CTNNA3: variants seen among roughly 807,000 people sequenced by gnomAD.
CTNNA3 encodes catenin alpha-3.
CTNNA3 carries 76 observed loss-of-function variants against 95.7 expected under a neutral mutation model. That is an observed-to-expected ratio of 0.79 (90% confidence interval 0.66 to 0.96). The LOEUF (loss-of-function observed/expected upper bound fraction) is 0.96, where lower values mean the gene tolerates loss of function less well. CTNNA3 is among the 40% of genes least tolerant of loss of function. The pLI is 0.00. For synonymous variants in CTNNA3, 431 were observed against 374.4 expected (o/e 1.15, Z -1.74); for missense variants, 1,191 against 1,089.8 (o/e 1.09, Z -1.31).
chr10:66,166,057 C>T (rs919512527), intron 13 of CTNNA3, among the ~76,000 whole-genome samples: 5 of 152,084 alleles, frequency 3.3e-5, no homozygotes, highest in African/African-American at 9.7e-5. Context: ...TGAGCCACCG[C>T]ACCCAGCCAT....
intron 9 of CTNNA3, among the ~76,000 whole-genome samples, chr10:66,688,657 T>G (rs574446008): frequency 6.6e-6 from 1 of 152,196 alleles, no homozygotes; most frequent in South Asian, 2.1e-4. Flanking sequence ...TAACTTTATT[T>G]TCTAAAATTA....
At chr10:66,891,691 G>T (rs896831654) in intron 7 of CTNNA3, among the ~76,000 whole-genome samples, 1 of 152,170 alleles carries the variant, frequency 6.6e-6, no homozygotes, top group Non-Finnish European at 1.5e-5. Context: ...GAGAGGGAAA[G>T]ATAAGTTGGA....
chr10:66,096,782 C>T (rs1187107750), intron 14 of CTNNA3, among the ~76,000 whole-genome samples: 1 of 152,050 alleles, frequency 6.6e-6, no homozygotes, highest in Non-Finnish European at 1.5e-5. Context: ...CCTCAGCCTC[C>T]CAAAGTGCTG....
chr10:66,762,811 C>T (rs1010342958), intron 9 of CTNNA3, among the ~76,000 whole-genome samples: 3 of 151,888 alleles, frequency 2.0e-5, no homozygotes, highest in Admixed American at 6.6e-5. Context: ...TAAAGAGTTC[C>T]TTTAACAGTG....
chr10:66,456,579 G>C (rs905145370), intron 11 of CTNNA3, among the ~76,000 whole-genome samples: 1 of 152,032 alleles, frequency 6.6e-6, no homozygotes, highest in Admixed American at 6.6e-5. Flanking sequence ...AGGAGGCTGA[G>C]GCAGAAGGAT....
rs550117362 is a variant in CTNNA3 at position 66,408,178 on chromosome 10, T to G, written c.1532-28826A>C. On this transcript the variant is annotated intron_variant, in intron 11 of 17. Coordinates refer to ENST00000433211, the MANE Select transcript of CTNNA3 (RefSeq NM_013266.4). ...TCAATGTACAGTCAAATTCAAGTTT[T>G]GCTTTTTGAAAATTTGTAAAATTTT... Among the ~76,000 whole-genome samples the G allele has an allele frequency of 6.6e-5, 10 of 152,356 alleles. No homozygotes were observed. The South Asian group carries it at 1.5e-3, about 22-fold the overall frequency.
chr10:66,952,624 A>T (rs889831708), intron 7 of CTNNA3, among the ~76,000 whole-genome samples: 2 of 152,098 alleles, frequency 1.3e-5, no homozygotes, highest in African/African-American at 4.8e-5. Flanking sequence ...TATAGAAGGT[A>T]AATCAATTAA....
At chr10:66,068,624 T>C (rs193254110) in intron 15 of CTNNA3, among the ~76,000 whole-genome samples, 12 of 152,318 alleles carry the variant, frequency 7.9e-5, no homozygotes, top group African/African-American at 2.9e-4. Flanking sequence ...TTTCTAAGTG[T>C]ACTAGGTCAG....
chr10:67,473,533 T>A (rs900753741), intron 5 of CTNNA3, among the ~76,000 whole-genome samples: 4 of 152,206 alleles, frequency 2.6e-5, no homozygotes, highest in Non-Finnish European at 5.9e-5. Context: ...TGCAGAGCAA[T>A]TAGCTATCAC....
intron 13 of CTNNA3, among the ~76,000 whole-genome samples, chr10:66,240,058 A>C (rs2090037484): frequency 6.6e-6 from 1 of 151,990 alleles, no homozygotes; most frequent in Admixed American, 6.6e-5. Flanking sequence ...ATAAGTGTTA[A>C]CAAATACATT....
intron 7 of CTNNA3, among the ~76,000 whole-genome samples, chr10:66,898,596 T>C (rs1002784071): frequency 6.6e-5 from 10 of 152,134 alleles, no homozygotes; most frequent in African/African-American, 1.9e-4. Flanking sequence ...TGAGGAAAGA[T>C]AGCATCTTCA....
chr10:67,106,530 G>A (rs79579706), intron 7 of CTNNA3, among the ~76,000 whole-genome samples: 2,634 of 152,206 alleles, frequency 0.017, 82 homozygotes, highest in East Asian at 0.12. Flanking sequence ...AGCATTTTAC[G>A]GGTGTTCATT....
rs553502479 is a variant in CTNNA3 at position 67,415,668 on chromosome 10, C to A, written c.579+106174G>T. On this transcript the variant is annotated intron_variant, in intron 5 of 17. Coordinates refer to ENST00000433211, the MANE Select transcript of CTNNA3 (RefSeq NM_013266.4). ...CTATTTTAAAATTCATATAGAACGA[C>A]AAAAGAGTGTGAATAGCCAAAACAA... is the stretch of plus-strand genomic sequence containing the variant. Among the ~76,000 whole-genome samples, 18 of 152,054 alleles carry A rather than the reference C, an allele frequency of 1.2e-4. No individual in the cohort carries two copies. In the East Asian group the frequency reaches 3.5e-3, roughly 29 times the overall value.
chr10:67,258,447 A>G (rs1257045471), intron 5 of CTNNA3, among the ~76,000 whole-genome samples: 3 of 152,124 alleles, frequency 2.0e-5, no homozygotes, highest in East Asian at 1.9e-4. Context: ...CCCGGCCACA[A>G]TGATTTTTCT....
intron 11 of CTNNA3, among the ~76,000 whole-genome samples, chr10:66,472,853 T>C (rs951320833): frequency 6.6e-6 from 1 of 151,978 alleles, no homozygotes. Flanking sequence ...ACTCATGTAA[T>C]TTTACCTCAG....
At chr10:66,842,450 G>A (rs865783454) in intron 7 of CTNNA3, among the ~76,000 whole-genome samples, 1 of 152,148 alleles carries the variant, frequency 6.6e-6, no homozygotes, top group African/African-American at 2.4e-5. Flanking sequence ...AGAATCACAT[G>A]ATGAATCAAT....
At chr10:67,632,990 G>A (rs1269934080) in intron 2 of CTNNA3, among the ~76,000 whole-genome samples, 2 of 152,162 alleles carry the variant, frequency 1.3e-5, no homozygotes, top group African/African-American at 4.8e-5. Flanking sequence ...AGTTCCTTGC[G>A]GGAGGGGCGG....
chr10:65,944,755 C>G (rs1319348937), intron 17 of CTNNA3, among the ~76,000 whole-genome samples: 1 of 152,070 alleles, frequency 6.6e-6, no homozygotes, highest in Non-Finnish European at 1.5e-5. Flanking sequence ...TTAAATGGTA[C>G]AAAGGGGAGG....
At chr10:66,978,096 G>A (rs1357759973) in intron 7 of CTNNA3, among the ~76,000 whole-genome samples, 2 of 150,494 alleles carry the variant, frequency 1.3e-5, no homozygotes, top group African/African-American at 2.5e-5. Flanking sequence ...ACACACATGC[G>A]ATGACGTTCC....
Sources: allele counts gnomAD v4.1 joint callset (sites outside exome capture counted in the v4.1 genomes callset), GRCh38; gene constraint gnomAD v4.1.1; transcripts MANE v1.5; gene names NCBI Gene and HGNC (gene_info 2026-07-23, HGNC 2026-07-21).